EGF: variants seen among roughly 807,000 people sequenced by gnomAD.
The protein encoded by EGF is pro-epidermal growth factor.
A neutral mutation model predicts 143.8 loss-of-function variants in EGF; 95 were observed. The observed-to-expected ratio is 0.66, with a 90% confidence interval of 0.56 to 0.78. The LOEUF (loss-of-function observed/expected upper bound fraction) is 0.78, where lower values mean the gene tolerates loss of function less well. Ranked by LOEUF, EGF falls within the 30% of genes least tolerant of loss-of-function variation. The pLI is 0.00. For synonymous variants in EGF, 510 were observed against 510.5 expected, an observed-to-expected ratio of 1.00 and a Z score of 0.01; for missense variants, 1,320 against 1,470.9, an observed-to-expected ratio of 0.90 and a Z score of 1.68.
At chr4:109,964,558 C>CAG in intron 10 of EGF, 21 bp downstream of exon 10, 2 of 1,613,576 alleles carry the variant, frequency 1.2e-6, no homozygotes, top group Non-Finnish European at 1.7e-6. Flanking sequence ...GTTACTTGAA[C>CAG]AGATGTGGAC....
chr4:109,929,638 C>T (rs1289684129), intron 1 of EGF, among the ~76,000 whole-genome samples: 2 of 152,148 alleles, frequency 1.3e-5, no homozygotes, highest in Non-Finnish European at 2.9e-5. Context: ...GTTTTCTGCT[C>T]TGGATGACAC....
chr4:109,995,260 C>T (rs957106991), intron 20 of EGF, among the ~76,000 whole-genome samples: 3 of 152,058 alleles, frequency 2.0e-5, no homozygotes, highest in Non-Finnish European at 4.4e-5. Context: ...TGTGAGCATC[C>T]GTGATCTGTT....
intron 19 of EGF, among the ~76,000 whole-genome samples, chr4:109,994,150 C>T (rs1056920225): frequency 1.3e-5 from 2 of 152,030 alleles, no homozygotes; most frequent in African/African-American, 4.8e-5. Flanking sequence ...AGCAGTGAAC[C>T]ATTCAATAAA....
At position 109,913,328 on chromosome 4, in the gene EGF, T is replaced by C; in HGVS notation, c.-8T>C. 6.2e-7 allele frequency: 1 copy of C among 1,613,660 alleles called. No homozygotes were observed. The highest frequency in any genetic ancestry group is 1.3e-5 in the African/African-American group (1 of 75,028). Reference sequence around the variant, plus strand: ...GTTTTCTTTTGAAAGTTCAAACTCATCAAGATTATGCTGCTCACTCTTATC... The same window carrying C: ...GTTTTCTTTTGAAAGTTCAAACTCACCAAGATTATGCTGCTCACTCTTATC... On this transcript the variant is annotated 5_prime_UTR_variant, in exon 1 of 24. Transcript: ENST00000265171.
chr4:109,941,091 G>A lies in EGF; in HGVS notation c.273G>A (p.Val91=). The change falls in exon 2 of 24, where the codon GTG becomes GTA. Residue 91 remains valine (V), a synonymous_variant. Coordinates refer to ENST00000265171, the MANE Select transcript of EGF (RefSeq NM_001963.6). ...ATAATGAGAAAAGAATCTATTGGGT[G>A]GATTTAGAAAGACAACTTTTGCAAA... is the stretch of plus-strand genomic sequence containing the variant. The part of the protein sequence containing the change: ...FHYNEKRIYW[V]DLERQLLQRV... The A allele has an allele frequency of 6.2e-7, 1 of 1,613,934 alleles. No individual in the cohort carries two copies. The highest frequency in any genetic ancestry group is 8.5e-7 in the Non-Finnish European group (1 of 1,179,948).
chr4:109,934,558 T>C (rs1241127450), intron 1 of EGF, among the ~76,000 whole-genome samples: 1 of 152,220 alleles, frequency 6.6e-6, no homozygotes. Flanking sequence ...AGAAGCTCTT[T>C]AGTTTAATTA....
intron 10 of EGF, among the ~76,000 whole-genome samples, chr4:109,968,583 ATCTC>A (rs1158009367): frequency 1.3e-5 from 2 of 152,212 alleles, no homozygotes; most frequent in South Asian, 2.1e-4. Flanking sequence ...CTATCTATCT[ATCTC>A]TCTATCTATC....
At chr4:109,928,311 A>C (rs1381053700) in intron 1 of EGF, among the ~76,000 whole-genome samples, 2 of 152,366 alleles carry the variant, frequency 1.3e-5, no homozygotes, top group Middle Eastern at 3.4e-3. Context: ...GGACAACTCA[A>C]AGAGTAGGGT....
intron 16 of EGF, among the ~76,000 whole-genome samples, chr4:109,984,829 T>C (rs1749904015): frequency 1.3e-5 from 2 of 152,126 alleles, no homozygotes; most frequent in African/African-American, 4.8e-5. Context: ...AATGTGAAAA[T>C]AAGACGTTCT....
In EGF at chr4:109,945,564, C is replaced by T. The variant is rs141990959; in HGVS notation, c.940+289C>T. Among the ~76,000 whole-genome samples, 98 of 151,846 alleles carry T rather than the reference C, an allele frequency of 6.5e-4. 2 individuals carry two copies. In the East Asian group the frequency reaches 0.018, roughly 29 times the overall value. Reference sequence around the variant, plus strand: ...CCAGCCTGGACAACATAACAAGGCTCGGTCTCTACAAAAACGAAAGAAAGA... The same window carrying T: ...CCAGCCTGGACAACATAACAAGGCTTGGTCTCTACAAAAACGAAAGAAAGA... On this transcript the variant is annotated intron_variant, in intron 5 of 23. Transcript: ENST00000265171.
intron 5 of EGF, among the ~76,000 whole-genome samples, chr4:109,945,598 A>G (rs1742712271): frequency 6.6e-6 from 1 of 152,198 alleles, no homozygotes; most frequent in Non-Finnish European, 1.5e-5. Flanking sequence ...GAAAGAAAGA[A>G]AAACAAATAG....
chr4:109,982,388 C>T (rs1157882360), intron 15 of EGF, among the ~76,000 whole-genome samples: 6 of 151,840 alleles, frequency 4.0e-5, no homozygotes, highest in Non-Finnish European at 8.8e-5. Context: ...AGTGCAGTGG[C>T]AAGATCTCAG....
At chr4:109,922,585 T>C (rs1737989766) in intron 1 of EGF, among the ~76,000 whole-genome samples, 1 of 151,712 alleles carries the variant, frequency 6.6e-6, no homozygotes, top group Admixed American at 6.6e-5. Context: ...TTCTGGTTGG[T>C]TCTTTATACA....
At chr4:109,999,007 ACT>A (rs1752194853) in intron 20 of EGF, among the ~76,000 whole-genome samples, 1 of 151,584 alleles carries the variant, frequency 6.6e-6, no homozygotes, top group Non-Finnish European at 1.5e-5. Flanking sequence ...TCAGCAGTTC[ACT>A]CTAGTGACAG....
intron 1 of EGF, among the ~76,000 whole-genome samples, chr4:109,937,639 A>T (rs1416122326): frequency 6.6e-6 from 1 of 152,158 alleles, no homozygotes; most frequent in Non-Finnish European, 1.5e-5. Flanking sequence ...ATGTTTTTGC[A>T]GTGGCTGGTA....
chr4:109,976,356 C>T, intron 13 of EGF, 121 bp downstream of exon 13: 1 of 861,272 alleles, frequency 1.2e-6, no homozygotes, highest in Non-Finnish European at 1.9e-6. Flanking sequence ...GGAATAGAGA[C>T]AGACTTCTCC....
intron 1 of EGF, among the ~76,000 whole-genome samples, chr4:109,919,281 TTCTCTGTC>T (rs1215296141): frequency 1.6e-3 from 187 of 116,622 alleles, no homozygotes; most frequent in Admixed American, 2.3e-3. Flanking sequence ...GAATGCATGC[TTCTCTGTC>T]TCTCTCTCTC....
At chr4:109,928,323 AG>A (rs1284030965) in intron 1 of EGF, among the ~76,000 whole-genome samples, 1 of 152,226 alleles carries the variant, frequency 6.6e-6, no homozygotes, top group Admixed American at 6.5e-5. Context: ...GAGTAGGGTA[AG>A]GTGGGGTTAG....
chr4:109,927,437 T>C (rs186913146), intron 1 of EGF, among the ~76,000 whole-genome samples: 2 of 152,162 alleles, frequency 1.3e-5, no homozygotes, highest in Admixed American at 6.6e-5. Flanking sequence ...ACCAAAGACA[T>C]GTCCAGGCCG....
Sources: allele counts gnomAD v4.1 joint callset (sites outside exome capture counted in the v4.1 genomes callset), GRCh38; gene constraint gnomAD v4.1.1; transcripts MANE v1.5; gene names NCBI Gene and HGNC (gene_info 2026-07-23, HGNC 2026-07-21).